Variants in GNA14 observed in about 807,000 individuals in gnomAD.
The protein encoded by GNA14 is G protein subunit alpha 14, also known as guanine nucleotide-binding protein subunit alpha-14.
A neutral mutation model predicts 42.0 loss-of-function variants in GNA14; 50 were observed. The ratio of observed to expected loss-of-function variants is 1.19; its 90% CI spans 0.95 to 1.51. GNA14 has a LOEUF of 1.51. Ranked by LOEUF, GNA14 falls within the 40% of genes most tolerant of loss-of-function variation. GNA14 has a pLI of 0.00. For missense variants in GNA14, 473 were observed against 446.2 expected, an observed-to-expected ratio of 1.06 and a Z score of -0.54; for synonymous variants, 173 against 163.1, an observed-to-expected ratio of 1.06 and a Z score of -0.46.
intron 1 of GNA14, among the ~76,000 whole-genome samples, chr9:77,539,649 G>T (rs548635701): frequency 3.4e-4 from 51 of 152,198 alleles, no homozygotes; most frequent in Non-Finnish European, 6.8e-4. Flanking sequence ...CTTTTTCTTT[G>T]TTGGGAGACA....
intron 2 of GNA14, among the ~76,000 whole-genome samples, chr9:77,448,291 T>G (rs1274090504): frequency 6.6e-6 from 1 of 152,236 alleles, no homozygotes; most frequent in Non-Finnish European, 1.5e-5. Flanking sequence ...TGAACGATTT[T>G]CTGACTTACG....
At position 77,445,193 on chromosome 9, in the gene GNA14, A is replaced by G. The variant is rs531431911; in HGVS notation, c.310-10671T>C. 1.1e-4 allele frequency among the ~76,000 whole-genome samples: 17 copies of G among 152,304 alleles called. No homozygotes were observed. The South Asian group carries it at 3.3e-3, about 30-fold the overall frequency. ...ATGGCTTCCTGCCTGTGCTTGCCAA[A>G]GATTGCTCTGTGTATGGAGCGGGGG... On this transcript the variant is annotated intron_variant, in intron 2 of 6. Coordinates refer to ENST00000341700, the MANE Select transcript of GNA14 (RefSeq NM_004297.4).
At chr9:77,429,320 C>G (rs117567159) in intron 4 of GNA14, among the ~76,000 whole-genome samples, 26 of 152,248 alleles carry the variant, frequency 1.7e-4, no homozygotes, top group Middle Eastern at 3.4e-3. Flanking sequence ...AGTGTCCAGA[C>G]AGAAAACGCA....
chr9:77,597,146 T>C (rs1489800533), intron 1 of GNA14, among the ~76,000 whole-genome samples: 1 of 152,224 alleles, frequency 6.6e-6, no homozygotes, highest in Non-Finnish European at 1.5e-5. Flanking sequence ...TTTTACTATC[T>C]TATTTCAAGT....
intron 2 of GNA14, among the ~76,000 whole-genome samples, chr9:77,466,328 ATC>A (rs1204162117): frequency 3.9e-5 from 6 of 152,008 alleles, no homozygotes; most frequent in African/African-American, 1.5e-4. Flanking sequence ...AGAATGCATA[ATC>A]TCTCGTTATC....
intron 2 of GNA14, among the ~76,000 whole-genome samples, chr9:77,494,013 C>T (rs181379107): frequency 9.1e-4 from 138 of 152,270 alleles, no homozygotes; most frequent in African/African-American, 3.1e-3. Flanking sequence ...CTCCGCCTCC[C>T]GGGTTGAAGT....
chr9:77,438,753 C>A (rs1352897937), intron 2 of GNA14, among the ~76,000 whole-genome samples: 2 of 152,090 alleles, frequency 1.3e-5, no homozygotes, highest in Admixed American at 1.3e-4. Context: ...ACACTTCAAA[C>A]CCATGTGGGC....
chr9:77,513,386 G>A (rs1163858577), intron 2 of GNA14, among the ~76,000 whole-genome samples: 1 of 152,190 alleles, frequency 6.6e-6, no homozygotes, highest in Non-Finnish European at 1.5e-5. Context: ...CTTAGTGCCT[G>A]TATCTCTAAA....
At chr9:77,451,202 G>A (rs12336869) in intron 2 of GNA14, among the ~76,000 whole-genome samples, 11,785 of 152,156 alleles carry the variant, frequency 0.077, 521 homozygotes, top group South Asian at 0.16. Flanking sequence ...GGGAGCTTTC[G>A]ATGAATTTAT....
chr9:77,553,683 A>AGC lies in GNA14; in HGVS notation c.125-24431_125-24430insGC, dbSNP rs1837812246. On this transcript the variant is annotated intron_variant, in intron 1 of 6. Coordinates refer to ENST00000341700, the MANE Select transcript of GNA14 (RefSeq NM_004297.4). ...TATGAGAAAACAGACACCCATTCCC[A>AGC]CTTATTTGTGTGCACAGCAAGATGA... Among the ~76,000 whole-genome samples, 3 of 152,270 alleles carry AGC rather than the reference A, an allele frequency of 2.0e-5. No homozygotes were observed. In the East Asian group the frequency reaches 5.8e-4, roughly 29 times the overall value.
intron 1 of GNA14, among the ~76,000 whole-genome samples, chr9:77,568,376 C>T (rs1182686457): frequency 2.6e-5 from 4 of 151,792 alleles, no homozygotes; most frequent in Non-Finnish European, 5.9e-5. Context: ...CCTGTAATCC[C>T]AGCTACTCGG....
At chr9:77,506,039 G>A (rs533275578) in intron 2 of GNA14, among the ~76,000 whole-genome samples, 1 of 151,628 alleles carries the variant, frequency 6.6e-6, no homozygotes, top group East Asian at 2.0e-4. Context: ...CGAGGTGGGA[G>A]GATCACTTGA....
At chr9:77,507,926 C>T (rs1405696367) in intron 2 of GNA14, among the ~76,000 whole-genome samples, 5 of 152,150 alleles carry the variant, frequency 3.3e-5, no homozygotes, top group African/African-American at 1.2e-4. Flanking sequence ...TCATATTGGC[C>T]AGGCTGGTCT....
chr9:77,468,185 G>A (rs1222668314), intron 2 of GNA14, among the ~76,000 whole-genome samples: 1 of 152,122 alleles, frequency 6.6e-6, no homozygotes, highest in African/African-American at 2.4e-5. Context: ...ATGGGGGCAG[G>A]GGCATGAGAA....
At chr9:77,431,040 G>T (rs925450492) in intron 4 of GNA14, among the ~76,000 whole-genome samples, 2 of 151,502 alleles carry the variant, frequency 1.3e-5, no homozygotes, top group African/African-American at 2.4e-5. Flanking sequence ...GTGTGTGTGT[G>T]TGTGTGTGTG....
chr9:77,524,114 CTT>C (rs1369767786), intron 2 of GNA14, among the ~76,000 whole-genome samples: 1 of 152,152 alleles, frequency 6.6e-6, no homozygotes, highest in East Asian at 1.9e-4. Context: ...ATAAAACACT[CTT>C]GAGAGACATT....
intron 1 of GNA14, among the ~76,000 whole-genome samples, chr9:77,597,024 C>T (rs1220617920): frequency 2.0e-5 from 3 of 152,186 alleles, no homozygotes; most frequent in East Asian, 3.9e-4. Flanking sequence ...CACATGTCAA[C>T]AGGACCTCCT....
intron 1 of GNA14, among the ~76,000 whole-genome samples, chr9:77,643,346 T>A (rs142334263): frequency 1.3e-5 from 2 of 151,918 alleles, no homozygotes; most frequent in Non-Finnish European, 2.9e-5. Flanking sequence ...TTCAAGCGAT[T>A]ATCTTGCCTC....
intron 1 of GNA14, among the ~76,000 whole-genome samples, chr9:77,542,945 A>G (rs1460159905): frequency 6.6e-6 from 1 of 152,198 alleles, no homozygotes; most frequent in Non-Finnish European, 1.5e-5. Context: ...ACCAGTCCAC[A>G]GGCCACTGGC....
Sources: gnomAD v4.1 joint callset for allele counts (sites outside exome capture counted in the v4.1 genomes callset) on GRCh38, gnomAD v4.1.1 for gene constraint, MANE v1.5 for transcripts, NCBI Gene and HGNC (gene_info 2026-07-23, HGNC 2026-07-21) for gene names.